The following PDXDC1 variants were observed in gnomAD, a reference collection of about 807,000 sequenced individuals.
The protein encoded by PDXDC1 is pyridoxal dependent decarboxylase domain containing 1.
In PDXDC1, 42 loss-of-function variants were observed where a neutral mutation model predicts 100.1. The ratio of observed to expected loss-of-function variants is 0.42; its 90% CI spans 0.33 to 0.54. PDXDC1 has a LOEUF of 0.54. Ranked by LOEUF, PDXDC1 falls within the 20% of genes least tolerant of loss-of-function variation. PDXDC1 has a pLI of 0.10. For synonymous variants in PDXDC1, 260 were observed against 371.7 expected, an observed-to-expected ratio of 0.70 and a Z score of 3.46; for missense variants, 636 against 979.2, an observed-to-expected ratio of 0.65 and a Z score of 4.68.
intron 16 of PDXDC1, among the ~76,000 whole-genome samples, chr16:15,065,730 C>A (rs1237494020): frequency 1.3e-5 from 2 of 152,034 alleles, no homozygotes; most frequent in Non-Finnish European, 2.9e-5. Flanking sequence ...CTATAGGTGT[C>A]TTTATTTTTA....
intron 16 of PDXDC1, chr16:15,131,454 G>C: frequency 2.5e-6 from 4 of 1,608,196 alleles, no homozygotes; most frequent in Admixed American, 1.7e-5. Flanking sequence ...GGATGGAGAA[G>C]TGGCAGCCAG....
chr16:15,009,030 T>C (rs1446878480), intron 7 of PDXDC1, among the ~76,000 whole-genome samples, 183 bp downstream of exon 7: 1 of 152,290 alleles, frequency 6.6e-6, no homozygotes, highest in African/African-American at 2.4e-5. Context: ...GGTTGGTATA[T>C]AGGTCAGGAG....
intron 16 of PDXDC1, chr16:15,094,909 C>T (rs930843741): frequency 6.6e-6 from 1 of 152,286 alleles, no homozygotes; most frequent in Non-Finnish European, 1.5e-5. Flanking sequence ...GTGATCTCAG[C>T]TCACTGCAAC....
At chr16:15,064,261 C>T (rs1401750643) in intron 16 of PDXDC1, among the ~76,000 whole-genome samples, 1 of 152,088 alleles carries the variant, frequency 6.6e-6, no homozygotes, top group African/African-American at 2.4e-5. Context: ...CTGCAACCTC[C>T]ACCTCCCGGG....
chr16:14,995,762 C>T (rs1190562256), intron 1 of PDXDC1, among the ~76,000 whole-genome samples: 1 of 152,284 alleles, frequency 6.6e-6, no homozygotes. Flanking sequence ...CTGTGAATCC[C>T]TCTGGTCCCG....
intron 16 of PDXDC1, chr16:15,104,519 G>A (rs770259059): frequency 6.8e-7 from 1 of 1,471,086 alleles, no homozygotes. Context: ...GGAGCTGAGG[G>A]TGGAAGGGGA....
chr16:15,148,916 C>A, the PDXDC1 span, among the ~76,000 whole-genome samples: 2 of 152,160 alleles, frequency 1.3e-5, no homozygotes, highest in African/African-American at 4.8e-5. Flanking sequence ...GACTTCTTGT[C>A]CACATTTTTG....
chr16:15,143,998 A>G (rs1053810325), downstream of PDXDC1, among the ~76,000 whole-genome samples: 3 of 152,192 alleles, frequency 2.0e-5, no homozygotes, highest in African/African-American at 4.8e-5. Flanking sequence ...CGGAGGGGCC[A>G]CCTGCGGAGC....
downstream of PDXDC1, among the ~76,000 whole-genome samples, chr16:15,143,416 C>T (rs1409895359): frequency 1.3e-5 from 2 of 152,214 alleles, no homozygotes; most frequent in Admixed American, 6.5e-5. Context: ...GCCAGCCTGC[C>T]GGCCCGAGGT....
At chr16:15,084,671 G>A (rs1256981119) in intron 16 of PDXDC1, 42 of 1,612,936 alleles carry the variant, frequency 2.6e-5, no homozygotes, top group Non-Finnish European at 3.4e-5. Flanking sequence ...TTATTTGCAA[G>A]GCTCTGTGAC....
chr16:15,043,955 GAAAAA>G (rs962627544), intron 16 of PDXDC1, among the ~76,000 whole-genome samples: 1 of 149,428 alleles, frequency 6.7e-6, no homozygotes, highest in African/African-American at 2.5e-5. Flanking sequence ...CTCAAAAAAA[GAAAAA>G]AAAAGAAAAA....
At chr16:15,136,275 C>G (rs4095364) in intron 16 of PDXDC1, 30,334 of 612,732 alleles carry the variant, frequency 0.05, 1,435 homozygotes, top group African/African-American at 0.19. Context: ...GGGCCCACCA[C>G]CCCAGGCTCA....
At position 15,037,046 on chromosome 16, in the gene PDXDC1, C is replaced by T. The variant is rs572360605; in HGVS notation, c.*771C>T. 6.6e-6 allele frequency: 1 copy of T among 152,350 alleles called. No homozygotes were observed. The highest frequency in any genetic ancestry group is 1.9e-4 in the East Asian group (1 of 5,186). The allele number at this position is 152,350 out of a possible 1,614,324, so 9.4% of individuals were successfully genotyped here. On this transcript the variant is annotated 3_prime_UTR_variant, in exon 23 of 23. Transcript: ENST00000396410. ...TTAGTATCTGAAAACCTGATAGATG[C>T]TACCCTTAAGAGCTTGCTCTTCCGT...
At position 15,028,899 on chromosome 16, in the gene PDXDC1, C is replaced by T; in HGVS notation, c.1226C>T (p.Pro409Leu). The change falls in exon 15 of 23, where the codon CCA (proline) becomes CTA (leucine). Residue 409 changes from proline to leucine, a missense_variant. Coordinates refer to ENST00000396410, the MANE Select transcript of PDXDC1 (RefSeq NM_015027.4). ...PGSDPVFKAV[P>L]VPNMTPSGVG... ...TCAGATCCGGTGTTTAAAGCCGTCC[C>T]AGTGCCCAACATGACACCTTCAGGA... 1 of 1,613,994 alleles carries T rather than the reference C, an allele frequency of 6.2e-7. No homozygotes were observed. Among genetic ancestry groups the T allele is most frequent in the Non-Finnish European group, 8.5e-7 (1 of 1,180,040 alleles).
intron 16 of PDXDC1, among the ~76,000 whole-genome samples, chr16:15,079,727 G>C (rs2045616446): frequency 6.6e-6 from 1 of 151,992 alleles, no homozygotes; most frequent in Non-Finnish European, 1.5e-5. Flanking sequence ...TGAGTAGCTG[G>C]GATTACAGGC....
chr16:15,124,924 G>T (rs918002571), intron 16 of PDXDC1, among the ~76,000 whole-genome samples: 8 of 151,396 alleles, frequency 5.3e-5, no homozygotes, highest in African/African-American at 1.9e-4. Flanking sequence ...TGAGGCAGGC[G>T]GATCACGAGG....
chr16:15,044,583 G>A (rs776684349), intron 16 of PDXDC1: 38 of 606,126 alleles, frequency 6.3e-5, no homozygotes, highest in Non-Finnish European at 9.7e-5. Flanking sequence ...GGCCAGTGGC[G>A]AGCTTCTGGG....
chr16:15,025,645 T>A (rs1480280855), intron 13 of PDXDC1: 1 of 152,434 alleles, frequency 6.6e-6, no homozygotes, highest in African/African-American at 2.4e-5. Flanking sequence ...TAGCATTTCC[T>A]GTTGCGGCCC....
intron 16 of PDXDC1, chr16:15,062,012 A>C (rs1309993091): frequency 1.8e-6 from 2 of 1,127,360 alleles, no homozygotes; most frequent in African/African-American, 3.1e-5. Context: ...TGGTGAAGAA[A>C]ATATCTTAAT....
Sources: allele counts gnomAD v4.1 joint callset (sites outside exome capture counted in the v4.1 genomes callset), GRCh38; gene constraint gnomAD v4.1.1; transcripts MANE v1.5; gene names NCBI Gene and HGNC (gene_info 2026-07-23, HGNC 2026-07-21).